The following PTPRD variants were observed in gnomAD, a reference collection of about 807,000 sequenced individuals.
PTPRD encodes receptor-type tyrosine-protein phosphatase delta.
Under a neutral mutation model 214.5 loss-of-function variants are expected in PTPRD, and 34 were observed. That is an observed-to-expected ratio of 0.16 (90% CI 0.12 to 0.21). The LOEUF is 0.21. Among genes scored for constraint, PTPRD ranks in the 10% least tolerant of loss-of-function variants. The pLI, the probability that PTPRD is intolerant of heterozygous loss-of-function variation, is 1.00. For missense variants in PTPRD, 2,545 were observed against 2,398.7 expected, an observed-to-expected ratio of 1.06 and a Z score of -1.27; for synonymous variants, 1,128 against 845.7, an observed-to-expected ratio of 1.33 and a Z score of -5.79.
chr9:10,398,014 T>A (rs944616319), intron 2 of PTPRD, among the ~76,000 whole-genome samples: 1 of 151,784 alleles, frequency 6.6e-6, no homozygotes, highest in Admixed American at 6.6e-5. Flanking sequence ...CATCCATTGT[T>A]CTACCATCTC....
intron 4 of PTPRD, among the ~76,000 whole-genome samples, chr9:9,947,894 A>G (rs563989992): frequency 6.6e-6 from 1 of 151,584 alleles, no homozygotes; most frequent in East Asian, 1.9e-4. Context: ...GATAGAATGA[A>G]TCAAGAAAGA....
At chr9:8,538,620 C>T (rs1477127922) in intron 14 of PTPRD, among the ~76,000 whole-genome samples, 3 of 151,128 alleles carry the variant, frequency 2.0e-5, no homozygotes, top group Non-Finnish European at 4.4e-5. Context: ...TATATATGTA[C>T]ACACATATAT....
chr9:8,933,203 C>G (rs901636008), intron 11 of PTPRD, among the ~76,000 whole-genome samples: 1 of 152,000 alleles, frequency 6.6e-6, no homozygotes, highest in Non-Finnish European at 1.5e-5. Context: ...TGCACCCACT[C>G]TCTAACCAGT....
intron 9 of PTPRD, among the ~76,000 whole-genome samples, chr9:9,200,011 T>G (rs1306866303): frequency 6.6e-6 from 1 of 152,162 alleles, no homozygotes; most frequent in African/African-American, 2.4e-5. Context: ...GGTCCAGTGG[T>G]GGCCACAAGA....
In PTPRD at chr9:8,518,019, C is replaced by G; in HGVS notation, c.1372G>C (p.Asp458His). The G allele has an allele frequency of 6.2e-7, 1 of 1,614,188 alleles. No individual in the cohort carries two copies. The highest frequency in any genetic ancestry group is 8.5e-7 in the Non-Finnish European group (1 of 1,180,032). Residue 458 changes from aspartate (D) to histidine (H), a missense_variant, in exon 21 of 46, where the codon GAT becomes CAT. By Grantham distance (81) the Asp-to-His change is moderately conservative. Coordinates refer to ENST00000381196, the MANE Select transcript of PTPRD (RefSeq NM_002839.4). ...CAGTTGTTGACATGTTGAGTGGGAT[C>G]CATTGTATAATAAACTCTATATCCT... Reference protein sequence around the residue: ...IQGYRVYYTMDPTQHVNNWMK... With the variant: ...IQGYRVYYTMHPTQHVNNWMK...
chr9:9,068,738 A>G (rs1272354661), intron 10 of PTPRD, among the ~76,000 whole-genome samples: 1 of 151,862 alleles, frequency 6.6e-6, no homozygotes, highest in Non-Finnish European at 1.5e-5. Flanking sequence ...CAGCCTCCCT[A>G]GTAGCTGGGA....
chr9:9,156,864 C>A (rs1182955783), intron 10 of PTPRD, among the ~76,000 whole-genome samples: 1 of 152,172 alleles, frequency 6.6e-6, no homozygotes, highest in East Asian at 1.9e-4. Context: ...TCCTATTCCA[C>A]TGGTGTAAAT....
intron 9 of PTPRD, among the ~76,000 whole-genome samples, chr9:9,184,427 A>T (rs759376044): frequency 1.3e-5 from 2 of 151,976 alleles, no homozygotes; most frequent in Non-Finnish European, 2.9e-5. Flanking sequence ...TAAGGACCTA[A>T]AGGAGGAAAG....
chr9:9,181,267 T>C (rs2099928037), intron 10 of PTPRD, among the ~76,000 whole-genome samples: 1 of 152,016 alleles, frequency 6.6e-6, no homozygotes, highest in Admixed American at 6.6e-5. Flanking sequence ...CAGCTGATTA[T>C]GGTATCTTGT....
Position 9,625,095 on chromosome 9 carries a change from C to T in PTPRD, c.-286-50314G>A, listed in dbSNP as rs115415844. ...GCCTAGACAGGGAAATCAAATTATTCGAAGTCACCAAGCCATTAAAGTCCA... is the reference window on the plus strand; with the variant it reads ...GCCTAGACAGGGAAATCAAATTATTTGAAGTCACCAAGCCATTAAAGTCCA... On this transcript the variant is annotated intron_variant, in intron 7 of 45. Coordinates refer to ENST00000381196, the MANE Select transcript of PTPRD (RefSeq NM_002839.4). 4.7e-3 allele frequency among the ~76,000 whole-genome samples: 720 copies of T among 152,274 alleles called. 6 individuals are homozygous for T. Among genetic ancestry groups the T allele is most frequent in the African/African-American group, 0.017 (686 of 41,548 alleles).
intron 3 of PTPRD, among the ~76,000 whole-genome samples, chr9:10,115,899 C>T (rs1297580082): frequency 1.3e-5 from 2 of 151,886 alleles, no homozygotes; most frequent in East Asian, 3.9e-4. Flanking sequence ...TAAGTAAAAA[C>T]AAAATCTCTT....
At chr9:10,399,439 T>C (rs1209660031) in intron 2 of PTPRD, among the ~76,000 whole-genome samples, 3 of 152,002 alleles carry the variant, frequency 2.0e-5, no homozygotes, top group Admixed American at 6.6e-5. Flanking sequence ...AACATTTTCA[T>C]AAGTGTTATT....
intron 3 of PTPRD, among the ~76,000 whole-genome samples, chr9:10,066,952 G>T (rs983832638): frequency 2.7e-5 from 4 of 149,194 alleles, no homozygotes; most frequent in East Asian, 2.0e-4. Context: ...GTAAGAGTTG[G>T]TTGTCCTTCT....
intron 10 of PTPRD, among the ~76,000 whole-genome samples, chr9:9,089,298 T>C (rs2099772130): frequency 6.6e-6 from 1 of 152,218 alleles, no homozygotes; most frequent in African/African-American, 2.4e-5. Context: ...AAGTGTGTCC[T>C]AATAATACTT....
intron 3 of PTPRD, among the ~76,000 whole-genome samples, chr9:10,286,551 T>C (rs1031455696): frequency 2.0e-5 from 3 of 152,208 alleles, no homozygotes; most frequent in African/African-American, 7.2e-5. Context: ...TAAACACTAT[T>C]GAAGCCAATG....
At chr9:10,480,510 GA>G (rs958017437) in intron 2 of PTPRD, among the ~76,000 whole-genome samples, 11 of 151,604 alleles carry the variant, frequency 7.3e-5, no homozygotes, top group African/African-American at 2.4e-4. Flanking sequence ...TTAATAAATA[GA>G]AAAAAAGCAA....
At chr9:8,540,789 T>G (rs1220568965) in intron 14 of PTPRD, among the ~76,000 whole-genome samples, 1 of 152,152 alleles carries the variant, frequency 6.6e-6, no homozygotes, top group Non-Finnish European at 1.5e-5. Flanking sequence ...TCTTTAATAA[T>G]GTAAGGCAAT....
At chr9:9,601,156 G>C (rs950719352) in intron 7 of PTPRD, among the ~76,000 whole-genome samples, 1 of 145,976 alleles carries the variant, frequency 6.9e-6, no homozygotes, top group African/African-American at 2.5e-5. Flanking sequence ...TGTGTATGGG[G>C]GGGGGAGAGT....
intron 5 of PTPRD, among the ~76,000 whole-genome samples, chr9:9,823,113 A>G (rs943220751): frequency 1.4e-4 from 22 of 152,194 alleles, no homozygotes; most frequent in African/African-American, 5.3e-4. Flanking sequence ...TGGTACATAT[A>G]CATACATTCG....
Sources: gnomAD v4.1 joint callset for allele counts (sites outside exome capture counted in the v4.1 genomes callset) on GRCh38, gnomAD v4.1.1 for gene constraint, MANE v1.5 for transcripts, NCBI Gene and HGNC (gene_info 2026-07-23, HGNC 2026-07-21) for gene names.